CPSF6: variants seen among roughly 807,000 people sequenced by gnomAD.
CPSF6 encodes the protein cleavage and polyadenylation specific factor 6.
In CPSF6, 10 loss-of-function variants were observed where a neutral mutation model predicts 56.7. That is an observed-to-expected ratio of 0.18 (90% CI 0.11 to 0.30). CPSF6 has a LOEUF of 0.30. Among genes scored for constraint, CPSF6 ranks in the 10% least tolerant of loss-of-function variants. CPSF6 has a pLI of 1.00. For synonymous variants in CPSF6, 248 were observed against 244.8 expected, an observed-to-expected ratio of 1.01 and a Z score of -0.12; for missense variants, 419 against 722.9, an observed-to-expected ratio of 0.58 and a Z score of 4.82.
intron 1 of CPSF6, 50 bp downstream of exon 1, chr12:69,239,756 G>T (rs370008231): frequency 1.3e-6 from 2 of 1,533,502 alleles, no homozygotes; most frequent in East Asian, 2.7e-5. Flanking sequence ...CGCTGCGGCC[G>T]GGAAGCTGAC....
At chr12:69,259,627 C>A in intron 7 of CPSF6, 84 bp downstream of exon 7, 1 of 1,101,454 alleles carries the variant, frequency 9.1e-7, no homozygotes, top group South Asian at 1.6e-5. Context: ...GAAGATAGGT[C>A]ATTTACATGT....
At chr12:69,257,989 T>G in intron 5 of CPSF6, 84 bp downstream of exon 5, 1 of 1,534,962 alleles carries the variant, frequency 6.5e-7, no homozygotes, top group Non-Finnish European at 8.9e-7. Context: ...AGTAATGCAT[T>G]ATTAATGTGA....
Position 69,249,151 on chromosome 12 carries a change from TC to T in CPSF6, c.61-1977del, listed in dbSNP as rs1374253517. ...AGCGGGCGCCTGTAGTCCCAGCTAC[TC>T]GGGGGGGGGGGGGGGGGCTGAGGCA... On this transcript the variant is annotated intron_variant, in intron 1 of 9. Transcript: ENST00000435070. Among the ~76,000 whole-genome samples, 46 of 21,364 alleles carry T rather than the reference TC, an allele frequency of 2.2e-3. 3 individuals are homozygous for T. Among genetic ancestry groups the T allele is most frequent in the Non-Finnish European group, 3.5e-3 (36 of 10,416 alleles). 14.0% of individuals were successfully genotyped at this position (21,364 alleles called of 152,430 possible).
intron 4 of CPSF6, among the ~76,000 whole-genome samples, chr12:69,257,455 A>T (rs901090521): frequency 2.0e-5 from 3 of 152,224 alleles, no homozygotes; most frequent in African/African-American, 7.2e-5. Flanking sequence ...ATATCTGTTG[A>T]AGAATTTCGG....
Position 69,270,970 on chromosome 12 carries a change from C to A in CPSF6, c.*1462C>A, listed in dbSNP as rs1031579682. On this transcript the variant is annotated 3_prime_UTR_variant, in exon 10 of 10. Coordinates refer to ENST00000435070, the MANE Select transcript of CPSF6 (RefSeq NM_007007.3). ...GTTAAAGAGTACCCAAATTCTAGGA[C>A]AATGCTTAAAGTGTTAAAATACCCT... The A allele has an allele frequency of 2.6e-5, 4 of 151,666 alleles. No individual in the cohort carries two copies. The highest frequency in any genetic ancestry group is 4.4e-5 in the Non-Finnish European group (3 of 67,628). 9.4% of individuals were successfully genotyped at this position (151,666 alleles called of 1,614,324 possible). A position where few individuals can be genotyped will look rare whatever the true frequency, so the allele number is the denominator to read the frequency against.
intron 1 of CPSF6, among the ~76,000 whole-genome samples, chr12:69,249,072 A>T (rs1872067756): frequency 6.7e-6 from 1 of 148,730 alleles, no homozygotes; most frequent in Admixed American, 6.8e-5. Flanking sequence ...CATCCTGCCT[A>T]ACACGGTGAA....
chr12:69,252,337 G>A (rs985400748), intron 2 of CPSF6: 1 of 259,896 alleles, frequency 3.8e-6, no homozygotes, highest in Non-Finnish European at 7.7e-6. Context: ...TCCTAACCAA[G>A]CTCTCAAAGT....
chr12:69,257,681 C>T (rs770701030), intron 4 of CPSF6, 51 bp from the exon 5 acceptor site: 59 of 1,523,128 alleles, frequency 3.9e-5, no homozygotes, highest in Middle Eastern at 1.7e-4. Context: ...GGTTACATTT[C>T]AGAAAACTAT....
intron 2 of CPSF6, among the ~76,000 whole-genome samples, chr12:69,252,608 A>G (rs1872306091): frequency 6.6e-6 from 1 of 152,200 alleles, no homozygotes; most frequent in African/African-American, 2.4e-5. Context: ...TGGTTGTTAT[A>G]AGAGTTAGTT....
At chr12:69,256,622 C>T (rs1872520114) in intron 3 of CPSF6, 75 bp from the exon 4 acceptor site, 1 of 1,433,350 alleles carries the variant, frequency 7.0e-7, no homozygotes, top group Admixed American at 2.2e-5. Flanking sequence ...AGATTAAGAC[C>T]TTTTTACAGA....
chr12:69,255,496 G>A (rs758640494), intron 3 of CPSF6, among the ~76,000 whole-genome samples: 1 of 152,128 alleles, frequency 6.6e-6, no homozygotes, highest in African/African-American at 2.4e-5. Context: ...TTATTAATAC[G>A]TGCTCATCAG....
chr12:69,266,909 G>A (rs1219895829), intron 9 of CPSF6, among the ~76,000 whole-genome samples: 1 of 152,036 alleles, frequency 6.6e-6, no homozygotes, highest in African/African-American at 2.4e-5. Flanking sequence ...AAATGTTTTG[G>A]TAGCAAGAAC....
chr12:69,258,216 T>C lies in CPSF6; in HGVS notation c.694+311T>C. 1 of 887,690 alleles carries C rather than the reference T, an allele frequency of 1.1e-6. No individual in the cohort carries two copies. The highest frequency in any genetic ancestry group is 2.7e-5 in the East Asian group (1 of 37,648). 55.0% of individuals were successfully genotyped at this position (887,690 alleles called of 1,614,324 possible). ...TACATCCGTCTTACTTTCTTACCTC[T>C]TAAAAAAATCCTTTCAAGATCATTT... is the stretch of plus-strand genomic sequence containing the variant. On this transcript the variant is annotated intron_variant, in intron 5 of 9. Transcript: ENST00000435070. This position sits in a 1 kb window ranked among gnomAD's most constrained non-coding sequence, Gnocchi z 4.2.
chr12:69,266,403 A>G (rs913703929), intron 9 of CPSF6, among the ~76,000 whole-genome samples: 1 of 152,196 alleles, frequency 6.6e-6, no homozygotes, highest in Non-Finnish European at 1.5e-5. Context: ...GAATGGATGT[A>G]TAGTGTGTTT....
chr12:69,273,506 C>T lies in CPSF6; in HGVS notation c.*3998C>T, dbSNP rs945026428. ...TAAATACTACCAAGAGTTTTTTTCA[C>T]GTGGGAGTATCCTAAAACTCTGCCA... is the stretch of plus-strand genomic sequence containing the variant. On this transcript the variant is annotated 3_prime_UTR_variant, in exon 10 of 10. Coordinates refer to ENST00000435070, the MANE Select transcript of CPSF6 (RefSeq NM_007007.3). 6.5e-6 allele frequency: 1 copy of T among 154,310 alleles called. No individual in the cohort carries two copies. Among genetic ancestry groups the T allele is most frequent in the Non-Finnish European group, 1.4e-5 (1 of 69,316 alleles). The allele number at this position is 154,310 out of a possible 1,614,324, so 9.6% of individuals were successfully genotyped here. A position where few individuals can be genotyped will look rare whatever the true frequency, so the allele number is the denominator to read the frequency against.
chr12:69,250,647 GTTTTTTTGT>G (rs1488813164), intron 1 of CPSF6, among the ~76,000 whole-genome samples: 1 of 59,592 alleles, frequency 1.7e-5, no homozygotes, highest in Non-Finnish European at 3.1e-5. Flanking sequence ...CCCTTTTTTT[GTTTTTTTGT>G]TTTTTTTTGA....
chr12:69,243,736 T>C, intron 1 of CPSF6, among the ~76,000 whole-genome samples: 1 of 152,196 alleles, frequency 6.6e-6, no homozygotes. Flanking sequence ...AATGTGAAGA[T>C]CTGGGACATG....
intron 3 of CPSF6, among the ~76,000 whole-genome samples, chr12:69,253,365 G>A (rs1872344595): frequency 6.6e-6 from 1 of 152,092 alleles, no homozygotes; most frequent in African/African-American, 2.4e-5. Context: ...CAGTAGAGTG[G>A]AAATGTGGAC....
intron 8 of CPSF6, 27 bp from the exon 9 acceptor site, chr12:69,262,346 C>A: frequency 6.5e-7 from 1 of 1,546,832 alleles, no homozygotes; most frequent in Non-Finnish European, 8.8e-7. Context: ...TTATGGAGAG[C>A]ATTAATCCAG....
Sources: allele counts gnomAD v4.1 joint callset (sites outside exome capture counted in the v4.1 genomes callset), GRCh38; gene constraint gnomAD v4.1.1; non-coding constraint Gnocchi (gnomAD v3.1); transcripts MANE v1.5; gene names NCBI Gene and HGNC (gene_info 2026-07-23, HGNC 2026-07-21).